Variants in IL7 observed in about 807,000 individuals in gnomAD.
The protein encoded by IL7 is interleukin-7.
Under a neutral mutation model 21.6 loss-of-function variants are expected in IL7, and 3 were observed. The ratio of observed to expected loss-of-function variants is 0.14; its 90% CI spans 0.06 to 0.36. The LOEUF (loss-of-function observed/expected upper bound fraction) is 0.36. Ranked by LOEUF, IL7 falls within the 10% of genes least tolerant of loss-of-function variation. The pLI is 1.00. For synonymous variants in IL7, 62 were observed against 68.1 expected (o/e 0.91, Z 0.44); for missense variants, 175 against 200.2 (o/e 0.87, Z 0.76).
intron 3 of IL7, among the ~76,000 whole-genome samples, chr8:78,694,127 C>A (rs540708268): frequency 3.3e-5 from 5 of 151,944 alleles, no homozygotes; most frequent in Non-Finnish European, 7.4e-5. Context: ...TTGCAGTTGG[C>A]TGGCTATTTT....
chr8:78,779,580 A>G (rs1813250668), intron 2 of IL7, among the ~76,000 whole-genome samples: 1 of 152,172 alleles, frequency 6.6e-6, no homozygotes, highest in Non-Finnish European at 1.5e-5. Flanking sequence ...CATCCCAGAG[A>G]TGAAGCCAAC....
intron 2 of IL7, among the ~76,000 whole-genome samples, chr8:78,758,140 T>C (rs564880658): frequency 1.3e-5 from 2 of 152,148 alleles, no homozygotes; most frequent in Admixed American, 6.5e-5. Context: ...CAGACTAATA[T>C]AGTGTCTTTA....
chr8:78,676,015 C>A, exon 5 of IL7: 1 of 494,500 alleles, frequency 2.0e-6, no homozygotes, highest in Non-Finnish European at 3.4e-6. Flanking sequence ...TTCAGCTATG[C>A]CATTCTTCCA....
At position 78,756,579 on chromosome 8, in the gene IL7, G is replaced by T. The variant is rs1010179302; in HGVS notation, c.148-16497C>A. 2.6e-5 allele frequency among the ~76,000 whole-genome samples: 4 copies of T among 151,628 alleles called. No homozygotes were observed. The East Asian group carries it at 7.7e-4, about 29-fold the overall frequency. On this transcript the variant is annotated intron_variant, in intron 2 of 5. Coordinates refer to ENST00000263851, the MANE Select transcript of IL7 (RefSeq NM_000880.4). ...TGTATTTAGGAATTGATTCATTTCC[G>T]CTAGGTTTTCCAATTTGTTAGTGTA...
chr8:78,761,687 C>A, intron 2 of IL7: 1 of 1,611,858 alleles, frequency 6.2e-7, no homozygotes, highest in Non-Finnish European at 8.5e-7. Flanking sequence ...AGTTTCTTCT[C>A]GAATACAGCT....
intron 1 of IL7, 147 bp from the exon 2 acceptor site, chr8:78,798,355 G>T: frequency 1.7e-6 from 1 of 579,560 alleles, no homozygotes. Flanking sequence ...CTCAAAAGTT[G>T]AACTTATGTA....
chr8:78,700,790 G>T (rs1330286629), intron 3 of IL7, among the ~76,000 whole-genome samples: 10 of 152,042 alleles, frequency 6.6e-5, no homozygotes. Context: ...TTTTTGTCAG[G>T]TTTGTCAAAT....
intron 2 of IL7, chr8:78,761,636 G>T: frequency 6.2e-7 from 1 of 1,612,002 alleles, no homozygotes. Context: ...TACATCGTCA[G>T]TGATAATGGA....
At chr8:78,745,698 C>A (rs963752597) in intron 2 of IL7, among the ~76,000 whole-genome samples, 2 of 152,138 alleles carry the variant, frequency 1.3e-5, no homozygotes, top group Non-Finnish European at 1.5e-5. Context: ...TATTGTTCAG[C>A]CAGTATTTAA....
At chr8:78,765,859 C>A (rs886528397) in intron 2 of IL7, among the ~76,000 whole-genome samples, 1 of 152,076 alleles carries the variant, frequency 6.6e-6, no homozygotes, top group African/African-American at 2.4e-5. Flanking sequence ...TGTGGCCACA[C>A]AAAACCCCCA....
chr8:78,759,308 A>G (rs1181622881), intron 2 of IL7, among the ~76,000 whole-genome samples: 6 of 151,642 alleles, frequency 4.0e-5, no homozygotes, highest in African/African-American at 1.5e-4. Flanking sequence ...AATAACAGCA[A>G]TATTTTCCAT....
At chr8:78,751,769 A>T (rs1450663902) in intron 2 of IL7, among the ~76,000 whole-genome samples, 2 of 152,208 alleles carry the variant, frequency 1.3e-5, no homozygotes, top group Non-Finnish European at 2.9e-5. Context: ...TTCTGTTATG[A>T]ACAATCCAAA....
chr8:78,722,712 T>G (rs892524363), intron 3 of IL7, among the ~76,000 whole-genome samples: 1 of 151,958 alleles, frequency 6.6e-6, no homozygotes, highest in Admixed American at 6.6e-5. Flanking sequence ...GTTCAGAAGT[T>G]ATATATGGTA....
At chr8:78,726,090 G>A (rs981150864) in intron 3 of IL7, among the ~76,000 whole-genome samples, 4 of 151,924 alleles carry the variant, frequency 2.6e-5, no homozygotes, top group Non-Finnish European at 5.9e-5. Flanking sequence ...TGGTTAGAAG[G>A]GAAATGTGAG....
intron 3 of IL7, among the ~76,000 whole-genome samples, chr8:78,695,630 C>T (rs1810375490): frequency 6.6e-6 from 1 of 152,046 alleles, no homozygotes; most frequent in Non-Finnish European, 1.5e-5. Context: ...AATTTTAAGT[C>T]TTTTCTAATG....
rs535857440 is a variant in IL7, at chr8:78,736,913, C to T, written c.361-386G>A. Among the ~76,000 whole-genome samples the T allele has an allele frequency of 9.2e-5, 14 of 152,182 alleles. No individual in the cohort carries two copies. In the South Asian group the frequency reaches 2.3e-3, roughly 25 times the overall value. On this transcript the variant is annotated intron_variant, in intron 4 of 5. Transcript: ENST00000263851. The stretch of plus-strand genomic sequence containing the variant: ...TGGCCATACATTTTATTAAGCTTCA[C>T]TTATCAGAAACAAAATGAAATAAAA...
chr8:78,765,306 T>A (rs1812721407), intron 2 of IL7, among the ~76,000 whole-genome samples: 1 of 152,050 alleles, frequency 6.6e-6, no homozygotes, highest in Non-Finnish European at 1.5e-5. Context: ...AAAGGCATGA[T>A]CTATGAAAGA....
intron 2 of IL7, among the ~76,000 whole-genome samples, chr8:78,768,042 TAGTTTACTG>T (rs1220019808): frequency 2.0e-5 from 3 of 152,146 alleles, no homozygotes; most frequent in African/African-American, 7.2e-5. Context: ...GTTCTTGTGA[TAGTTTACTG>T]AGAATGATGA....
At chr8:78,715,408 A>G, downstream of IL7, 2 of 1,280,460 alleles carry the variant, frequency 1.6e-6, no homozygotes, top group African/African-American at 1.5e-5. Context: ...CACAAAAGTA[A>G]GTAACAAGCT....
Sources: allele counts gnomAD v4.1 joint callset (sites outside exome capture counted in the v4.1 genomes callset), GRCh38; gene constraint gnomAD v4.1.1; transcripts MANE v1.5; gene names NCBI Gene and HGNC (gene_info 2026-07-23, HGNC 2026-07-21).